SUCLG2: variants seen among roughly 807,000 people sequenced by gnomAD.
SUCLG2 encodes the protein succinate-CoA ligase GDP-forming subunit beta, also known as succinate--CoA ligase [GDP-forming] subunit beta, mitochondrial.
In SUCLG2, 42 loss-of-function variants were observed where a neutral mutation model predicts 47.9. The ratio of observed to expected loss-of-function variants is 0.88; its 90% CI spans 0.69 to 1.14. The LOEUF (loss-of-function observed/expected upper bound fraction) is 1.14, where lower values mean the gene tolerates loss of function less well. Ranked by LOEUF, SUCLG2 falls within the 50% of genes most tolerant of loss-of-function variation. The pLI is 0.00. For missense variants in SUCLG2, 571 were observed against 525.9 expected, an observed-to-expected ratio of 1.09 and a Z score of -0.84; for synonymous variants, 195 against 197.3, an observed-to-expected ratio of 0.99 and a Z score of 0.10.
chr3:67,645,545 C>G (rs192855358), intron 1 of SUCLG2, among the ~76,000 whole-genome samples: 23 of 152,116 alleles, frequency 1.5e-4, no homozygotes, highest in Admixed American at 4.6e-4. Flanking sequence ...CCAAATAGCA[C>G]GTATATTTTT....
intron 8 of SUCLG2, 133 bp downstream of exon 8, chr3:67,498,001 C>CTT: frequency 1.1e-6 from 1 of 931,226 alleles, no homozygotes; most frequent in South Asian, 1.9e-5. Context: ...AACTTGGATA[C>CTT]TTTCCTAAGA....
intron 1 of SUCLG2, among the ~76,000 whole-genome samples, chr3:67,614,465 T>A (rs1200812332): frequency 6.6e-6 from 1 of 151,536 alleles, no homozygotes; most frequent in Non-Finnish European, 1.5e-5. Context: ...ATTTCCTTCC[T>A]CTCCTATGGC....
chr3:67,483,698 T>A (rs1704977041), intron 9 of SUCLG2, among the ~76,000 whole-genome samples: 1 of 152,224 alleles, frequency 6.6e-6, no homozygotes, highest in Non-Finnish European at 1.5e-5. Flanking sequence ...GTTTGGCTGA[T>A]GTTTCTAAAT....
At chr3:67,400,252 T>C (rs956865499) in intron 10 of SUCLG2, among the ~76,000 whole-genome samples, 6 of 151,750 alleles carry the variant, frequency 4.0e-5, no homozygotes, top group Non-Finnish European at 5.9e-5. Context: ...ACATATGATA[T>C]ATAAAATATA....
chr3:67,505,397 A>G (rs981362325), intron 7 of SUCLG2, among the ~76,000 whole-genome samples: 3 of 152,230 alleles, frequency 2.0e-5, no homozygotes, highest in Non-Finnish European at 4.4e-5. Flanking sequence ...AATCCTAGCT[A>G]AGAGTCACTA....
intron 2 of SUCLG2, among the ~76,000 whole-genome samples, chr3:67,560,338 G>A (rs912204990): frequency 3.3e-5 from 5 of 152,160 alleles, no homozygotes; most frequent in African/African-American, 1.2e-4. Flanking sequence ...CTTGAGCAGG[G>A]ACTTCTAACC....
chr3:67,369,416 G>A (rs1409520068), intron 10 of SUCLG2, among the ~76,000 whole-genome samples: 2 of 152,124 alleles, frequency 1.3e-5, no homozygotes, highest in Non-Finnish European at 2.9e-5. Flanking sequence ...CACAGCAGCT[G>A]TCTACCTTCT....
At chr3:67,535,450 T>C (rs1341264073) in intron 2 of SUCLG2, among the ~76,000 whole-genome samples, 4 of 151,960 alleles carry the variant, frequency 2.6e-5, no homozygotes, top group Admixed American at 2.6e-4. Context: ...GTGCTACAGT[T>C]TGGATGCTTG....
intron 9 of SUCLG2, among the ~76,000 whole-genome samples, chr3:67,407,512 C>T (rs576563648): frequency 5.3e-5 from 8 of 152,186 alleles, no homozygotes; most frequent in Non-Finnish European, 8.8e-5. Flanking sequence ...TTCTTTTTTC[C>T]TCCCTGACAT....
At chr3:67,369,855 G>A (rs1369378409), downstream of SUCLG2, among the ~76,000 whole-genome samples, 1 of 152,240 alleles carries the variant, frequency 6.6e-6, no homozygotes. Flanking sequence ...CCCTAAAGAA[G>A]TGGCACTATG....
At chr3:67,627,523 A>AT (rs1700854382) in intron 1 of SUCLG2, among the ~76,000 whole-genome samples, 1 of 152,170 alleles carries the variant, frequency 6.6e-6, no homozygotes, top group Non-Finnish European at 1.5e-5. Flanking sequence ...TTATGAAGTT[A>AT]TTTTGTCTCA....
At chr3:67,639,900 C>T (rs1426698591) in intron 1 of SUCLG2, among the ~76,000 whole-genome samples, 2 of 152,194 alleles carry the variant, frequency 1.3e-5, no homozygotes, top group Non-Finnish European at 2.9e-5. Flanking sequence ...ATCACTCATA[C>T]ACAATTCTTG....
At chr3:67,640,536 T>C (rs4610238) in intron 1 of SUCLG2, among the ~76,000 whole-genome samples, 1 of 151,388 alleles carries the variant, frequency 6.6e-6, no homozygotes, top group African/African-American at 2.5e-5. Context: ...TCTACAGCAG[T>C]AAATCTACAC....
chr3:67,610,539 C>T (rs1177593777), intron 1 of SUCLG2, among the ~76,000 whole-genome samples: 1 of 149,534 alleles, frequency 6.7e-6, no homozygotes, highest in Non-Finnish European at 1.5e-5. Flanking sequence ...AAAATGAATA[C>T]ACTTAATGTA....
At chr3:67,612,455 T>C (rs972453940) in intron 1 of SUCLG2, among the ~76,000 whole-genome samples, 1 of 152,128 alleles carries the variant, frequency 6.6e-6, no homozygotes, top group Admixed American at 6.5e-5. Context: ...AAATCTGCTA[T>C]GCAAATGGAT....
At chr3:67,504,027 C>G (rs1559550523) in intron 7 of SUCLG2, among the ~76,000 whole-genome samples, 1 of 152,178 alleles carries the variant, frequency 6.6e-6, no homozygotes, top group African/African-American at 2.4e-5. Context: ...ATAAGACTAT[C>G]ATAATTAGTT....
intron 9 of SUCLG2, among the ~76,000 whole-genome samples, chr3:67,485,072 A>G (rs1306572058): frequency 6.6e-6 from 1 of 152,184 alleles, no homozygotes; most frequent in Non-Finnish European, 1.5e-5. Flanking sequence ...TATTAAACTG[A>G]AAAACTCGGA....
At chr3:67,397,125 C>T (rs1236770143) in intron 10 of SUCLG2, among the ~76,000 whole-genome samples, 5 of 151,490 alleles carry the variant, frequency 3.3e-5, no homozygotes, top group Non-Finnish European at 7.4e-5. Context: ...GACAGGGATG[C>T]CCTCTCTCAC....
intron 9 of SUCLG2, among the ~76,000 whole-genome samples, chr3:67,432,804 G>A (rs969769094): frequency 2.0e-5 from 3 of 152,072 alleles, no homozygotes; most frequent in South Asian, 4.1e-4. Context: ...TGTATGACTC[G>A]CTCTCAAGCT....
Sources: gnomAD v4.1 joint callset for allele counts (sites outside exome capture counted in the v4.1 genomes callset) on GRCh38, gnomAD v4.1.1 for gene constraint, MANE v1.5 for transcripts, NCBI Gene and HGNC (gene_info 2026-07-23, HGNC 2026-07-21) for gene names.